The following NSD1 variants were observed in gnomAD, a reference collection of about 807,000 sequenced individuals.
NSD1 encodes histone-lysine N-methyltransferase, H3 lysine-36 specific.
A neutral mutation model predicts 242.7 loss-of-function variants in NSD1; 26 were observed. The observed-to-expected ratio is 0.11, with a 90% confidence interval of 0.08 to 0.15. NSD1 has a LOEUF of 0.15. Among genes scored for constraint, NSD1 ranks in the 10% least tolerant of loss-of-function variants. The pLI is 1.00. For missense variants in NSD1, 2,495 were observed against 3,272.8 expected (o/e 0.76, Z 5.80); for synonymous variants, 1,106 against 1,178.1 (o/e 0.94, Z 1.25).
intron 17 of NSD1, among the ~76,000 whole-genome samples, chr5:177,274,355 G>A (rs929122149): frequency 6.6e-6 from 1 of 152,102 alleles, no homozygotes; most frequent in Non-Finnish European, 1.5e-5. Flanking sequence ...ATAATTGACA[G>A]ACATAAAAAT....
intron 18 of NSD1, among the ~76,000 whole-genome samples, chr5:177,281,750 TCAA>T (rs1758907645): frequency 6.6e-6 from 1 of 152,174 alleles, no homozygotes; most frequent in Non-Finnish European, 1.5e-5. Flanking sequence ...ACTTCCAGGC[TCAA>T]GTGATCCTCC....
intron 2 of NSD1, among the ~76,000 whole-genome samples, chr5:177,161,980 A>G (rs563640974): frequency 1.1e-4 from 16 of 151,884 alleles, no homozygotes; most frequent in African/African-American, 3.6e-4. Flanking sequence ...TTTGGCTGCT[A>G]CTCAGTGGGA....
chr5:177,274,697 TTGTG>T lies in NSD1; in HGVS notation c.5622+941_5622+944del, dbSNP rs138385964. Among the ~76,000 whole-genome samples the T allele has an allele frequency of 3.5e-3, 516 of 145,434 alleles. 3 individuals are homozygous for T. The highest frequency in any genetic ancestry group is 9.4e-3 in the South Asian group (43 of 4,552). On this transcript the variant is annotated intron_variant, in intron 17 of 22. Coordinates refer to ENST00000439151, the MANE Select transcript of NSD1 (RefSeq NM_022455.5). ...AATGCATTATTTGTTCACTTATCCT[TTGTG>T]TGTGTGTGTGTGTGTGTGTGTGTGT...
chr5:177,163,905 G>A lies in NSD1; in HGVS notation c.927+27875G>A, dbSNP rs187722097. Among the ~76,000 whole-genome samples, 6 of 152,212 alleles carry A rather than the reference G, an allele frequency of 3.9e-5. No homozygotes were observed. The East Asian group carries it at 1.2e-3, about 29-fold the overall frequency. ...TTTCTGTTAGGCTGCCTCTCCTGTT[G>A]CAAAGTACTAAGAACACAACTACAT... On this transcript the variant is annotated intron_variant, in intron 2 of 22. Transcript: ENST00000439151.
intron 2 of NSD1, among the ~76,000 whole-genome samples, chr5:177,178,996 T>C (rs1354345823): frequency 6.6e-6 from 1 of 152,126 alleles, no homozygotes; most frequent in Non-Finnish European, 1.5e-5. Flanking sequence ...TGAGCTGAGT[T>C]ATGAAGTATA....
rs1760174606 is a variant in NSD1, at chr5:177,295,210, AAAG to A, written c.7846_7848del (p.Lys2616del). 1.2e-6 allele frequency: 2 copies of A among 1,614,250 alleles called. No individual in the cohort carries two copies. Among genetic ancestry groups the A allele is most frequent in the African/African-American group, 2.7e-5 (2 of 75,064 alleles). ...CCCCAGCCTCCCTCCCCACTGAAGAAAAGAAGTTGGTAACCACAGAGCAAAGTC... is the reference window on the plus strand; with the variant it reads ...CCCCAGCCTCCCTCCCCACTGAAGAAAAGTTGGTAACCACAGAGCAAAGTC... On this transcript the variant is annotated inframe_deletion, in exon 23 of 23. Coordinates refer to ENST00000439151, the MANE Select transcript of NSD1 (RefSeq NM_022455.5). The surrounding 1 kb of genome is among the most constrained non-coding windows in gnomAD (Gnocchi z 4.3).
In NSD1 at chr5:177,202,667, C is replaced by G. The variant is rs565892703; in HGVS notation, c.1064-1453C>G. ...GTATTGGGATTACAGGTGTGAGCCC[C>G]TACACCTGGCCAGTTCAATGTATTG... On this transcript the variant is annotated intron_variant, in intron 3 of 22. Coordinates refer to ENST00000439151, the MANE Select transcript of NSD1 (RefSeq NM_022455.5). Among the ~76,000 whole-genome samples, 35 of 152,254 alleles carry G rather than the reference C, an allele frequency of 2.3e-4. 1 individual carries two copies. The South Asian group carries it at 6.6e-3, about 29-fold the overall frequency.
chr5:177,200,899 A>AT (rs556927293), intron 3 of NSD1, among the ~76,000 whole-genome samples: 4,976 of 141,120 alleles, frequency 0.035, 91 homozygotes, highest in African/African-American at 0.054. Flanking sequence ...GTGTTTTTGT[A>AT]TTTTTTTTTT....
At chr5:177,251,609 C>T in intron 11 of NSD1, 121 bp from the exon 12 acceptor site, 1 of 958,378 alleles carries the variant, frequency 1.0e-6, no homozygotes, top group East Asian at 2.6e-5. Flanking sequence ...CGGGCCCTTG[C>T]CTCTTTCTCA....
chr5:177,285,237 G>A (rs936551874), intron 20 of NSD1, among the ~76,000 whole-genome samples: 7 of 152,222 alleles, frequency 4.6e-5, no homozygotes, highest in Admixed American at 3.3e-4. Flanking sequence ...ACCTATGCAT[G>A]TAACACCCTC....
intron 5 of NSD1, among the ~76,000 whole-genome samples, chr5:177,219,755 A>C (rs1764088837): frequency 6.6e-6 from 1 of 152,148 alleles, no homozygotes; most frequent in Non-Finnish European, 1.5e-5. Context: ...TGAGGTCAGG[A>C]GTTCAAGACC....
chr5:177,170,935 CTTA>C (rs759384404), intron 2 of NSD1, among the ~76,000 whole-genome samples: 29 of 151,150 alleles, frequency 1.9e-4, no homozygotes, highest in Non-Finnish European at 3.5e-4. Context: ...TTATATCTGG[CTTA>C]TTAACATAAA....
chr5:177,159,005 T>C (rs1758476799), intron 2 of NSD1, among the ~76,000 whole-genome samples: 1 of 89,044 alleles, frequency 1.1e-5, no homozygotes, highest in South Asian at 3.9e-4. Context: ...ATTTTATATA[T>C]ATATATATAT....
intron 16 of NSD1, among the ~76,000 whole-genome samples, chr5:177,271,275 A>T (rs147855676): frequency 6.6e-6 from 1 of 152,280 alleles, no homozygotes; most frequent in Non-Finnish European, 1.5e-5. Flanking sequence ...CTGGGGAGCA[A>T]TGTTTGGAAG....
At chr5:177,259,768 C>G (rs1347905184) in intron 13 of NSD1, among the ~76,000 whole-genome samples, 2 of 152,182 alleles carry the variant, frequency 1.3e-5, no homozygotes, top group Non-Finnish European at 2.9e-5. Context: ...GAAGCAGGCT[C>G]ACTGACAGTT....
At position 177,238,920 on chromosome 5, in the gene NSD1, A is replaced by G. The variant is rs1222683253; in HGVS notation, c.4192+413A>G. 6.6e-6 allele frequency among the ~76,000 whole-genome samples: 1 copy of G among 152,228 alleles called. No homozygotes were observed. The highest frequency in any genetic ancestry group is 1.5e-5 in the Non-Finnish European group (1 of 68,044). On this transcript the variant is annotated intron_variant, in intron 7 of 22. Transcript: ENST00000439151. The surrounding 1 kb of genome is among the most constrained non-coding windows in gnomAD (Gnocchi z 4.6). The stretch of plus-strand genomic sequence containing the variant: ...GTTTCCTCATCTATAAATGGAGATC[A>G]TAATGTATTAATGTGTAATGTTATA...
At chr5:177,252,708 T>C (rs1756091897) in intron 12 of NSD1, among the ~76,000 whole-genome samples, 1 of 151,600 alleles carries the variant, frequency 6.6e-6, no homozygotes, top group Admixed American at 6.6e-5. Flanking sequence ...CTTGCCACCA[T>C]GCGTGGGCAA....
At chr5:177,186,463 T>A (rs1377813000) in intron 2 of NSD1, among the ~76,000 whole-genome samples, 3 of 152,230 alleles carry the variant, frequency 2.0e-5, no homozygotes, top group East Asian at 1.9e-4. Flanking sequence ...TAGGTTTTTT[T>A]AAAAAATCCT....
intron 15 of NSD1, among the ~76,000 whole-genome samples, chr5:177,268,630 C>T (rs1757711779): frequency 6.6e-6 from 1 of 152,016 alleles, no homozygotes; most frequent in African/African-American, 2.4e-5. Context: ...TATTCCATGC[C>T]CTGATTCCAT....
Sources: gnomAD v4.1 joint callset for allele counts (sites outside exome capture counted in the v4.1 genomes callset) on GRCh38, gnomAD v4.1.1 for gene constraint, Gnocchi (gnomAD v3.1) non-coding constraint, MANE v1.5 for transcripts, NCBI Gene and HGNC (gene_info 2026-07-23, HGNC 2026-07-21) for gene names.